Variants in CBFA2T3 observed in about 807,000 individuals in gnomAD.
CBFA2T3 encodes the protein CBFA2/RUNX1 partner transcriptional co-repressor 3.
A neutral mutation model predicts 58.6 loss-of-function variants in CBFA2T3; 31 were observed. The observed-to-expected ratio is 0.53, with a 90% CI of 0.40 to 0.71. The LOEUF (loss-of-function observed/expected upper bound fraction) is 0.71, where lower values mean the gene tolerates loss of function less well. Ranked by LOEUF, CBFA2T3 falls within the 30% of genes least tolerant of loss-of-function variation. The pLI, the probability that CBFA2T3 is intolerant of heterozygous loss-of-function variation, is 0.00. For missense variants in CBFA2T3, 1,076 were observed against 963.1 expected, an observed-to-expected ratio of 1.12 and a Z score of -1.55; for synonymous variants, 531 against 421.9, an observed-to-expected ratio of 1.26 and a Z score of -3.17.
Position 88,907,704 on chromosome 16 carries a change from C to T in CBFA2T3, c.152-6048G>A, listed in dbSNP as rs368866370. Among the ~76,000 whole-genome samples, 29 of 152,336 alleles carry T rather than the reference C, an allele frequency of 1.9e-4. No individual in the cohort carries two copies. In the South Asian group the frequency reaches 6.0e-3, roughly 32 times the overall value. On this transcript the variant is annotated intron_variant, in intron 1 of 11. Coordinates refer to ENST00000268679, the MANE Select transcript of CBFA2T3 (RefSeq NM_005187.6). ...CGAGGGGAGGCACCTGCCCTCCTGGCCTCCCTCTGTGGCTTGGGCCTCTGC... is the reference window on the plus strand; with the variant it reads ...CGAGGGGAGGCACCTGCCCTCCTGGTCTCCCTCTGTGGCTTGGGCCTCTGC...
intron 1 of CBFA2T3, chr16:88,938,168 C>T (rs1311540247): frequency 6.6e-6 from 1 of 152,284 alleles, no homozygotes; most frequent in East Asian, 1.9e-4. Context: ...CCAGATGGGC[C>T]CCAGGGCCTG....
chr16:88,906,244 T>C (rs555275662), intron 1 of CBFA2T3, among the ~76,000 whole-genome samples: 1 of 152,204 alleles, frequency 6.6e-6, no homozygotes, highest in African/African-American at 2.4e-5. Context: ...AGCCTCGTCC[T>C]TCCTAGGTGC....
intron 1 of CBFA2T3, among the ~76,000 whole-genome samples, chr16:88,969,524 G>A (rs895815198): frequency 1.3e-5 from 2 of 152,328 alleles, no homozygotes; most frequent in East Asian, 1.9e-4. Flanking sequence ...CCGCCACCCC[G>A]TTTTACAAAC....
intron 1 of CBFA2T3, among the ~76,000 whole-genome samples, chr16:88,935,977 C>A (rs986700081): frequency 2.6e-5 from 4 of 152,172 alleles, no homozygotes; most frequent in Non-Finnish European, 4.4e-5. Context: ...CGAGGGGCTG[C>A]CCATCCCCCT....
At chr16:88,892,737 T>C (rs1969695356) in intron 3 of CBFA2T3, among the ~76,000 whole-genome samples, 1 of 152,106 alleles carries the variant, frequency 6.6e-6, no homozygotes, top group Admixed American at 6.5e-5. Flanking sequence ...CACACCCCCT[T>C]ACAGACCTGG....
rs568041993 is a variant in CBFA2T3, at chr16:88,880,825, G to A, written c.1403-37C>T. On this transcript the variant is annotated intron_variant, in intron 9 of 11. Coordinates refer to ENST00000268679, the MANE Select transcript of CBFA2T3 (RefSeq NM_005187.6). ...GCCGGCGTCACACAGGATGGGCCAC[G>A]CGGCTGCCCCTCCCACGCTGGGGCC... 3.4e-5 allele frequency: 52 copies of A among 1,546,872 alleles called. 1 individual carries two copies. Among genetic ancestry groups the A allele is most frequent in the African/African-American group, 2.3e-4 (17 of 73,442 alleles).
rs1262346745 is a variant in CBFA2T3 at position 88,875,600 on chromosome 16, G to GA, written c.*1375_*1376insT. 10 of 233,796 alleles carry GA rather than the reference G, an allele frequency of 4.3e-5. No homozygotes were observed. The highest frequency in any genetic ancestry group is 5.6e-5 in the Admixed American group (1 of 17,770). The allele number at this position is 233,796 out of a possible 1,614,324, so 14.5% of individuals were successfully genotyped here. A position where few individuals can be genotyped will look rare whatever the true frequency, so the allele number is the denominator to read the frequency against. ...GAGAGGTTGGAGTTGGGGCGATGGG[G>GA]CTGAGAGAGGTCGGAGCTGGGGTGA... On this transcript the variant is annotated 3_prime_UTR_variant, in exon 12 of 12. Transcript: ENST00000268679.
chr16:88,922,702 G>A (rs768110427), intron 1 of CBFA2T3, among the ~76,000 whole-genome samples: 1 of 152,242 alleles, frequency 6.6e-6, no homozygotes, highest in African/African-American at 2.4e-5. Flanking sequence ...CCGGGTCCCA[G>A]CTTGCAGCCG....
intron 1 of CBFA2T3, among the ~76,000 whole-genome samples, chr16:88,935,017 G>A (rs978434498): frequency 2.0e-5 from 3 of 152,246 alleles, no homozygotes; most frequent in Non-Finnish European, 4.4e-5. Flanking sequence ...TGGGATTACA[G>A]GCGTAAGCCA....
rs13380444 is a variant in CBFA2T3, at chr16:88,951,987, G to A, written c.151+24670C>T. ...TGGGTTTCTGTCACTCGCAGCTGCAGCATTCTGGCACAGACCCTTGGCCCA... is the reference window on the plus strand; with the variant it reads ...TGGGTTTCTGTCACTCGCAGCTGCAACATTCTGGCACAGACCCTTGGCCCA... On this transcript the variant is annotated intron_variant, in intron 1 of 11. Coordinates refer to ENST00000268679, the MANE Select transcript of CBFA2T3 (RefSeq NM_005187.6). 5.0e-3 allele frequency among the ~76,000 whole-genome samples: 760 copies of A among 152,310 alleles called. 7 individuals are homozygous for A. Among genetic ancestry groups the A allele is most frequent in the African/African-American group, 0.017 (700 of 41,560 alleles).
chr16:88,912,118 C>T lies in CBFA2T3; in HGVS notation c.152-10462G>A, dbSNP rs113695372. On this transcript the variant is annotated intron_variant, in intron 1 of 11. Transcript: ENST00000268679. ...GCTTCCCGTTGGAAGGTGCACAGGC[C>T]GGCCTCTGCCTGCAGGCTGGGCCCA... Among the ~76,000 whole-genome samples, 1,111 of 152,388 alleles carry T rather than the reference C, an allele frequency of 7.3e-3. 21 individuals carry two copies. The highest frequency in any genetic ancestry group is 0.026 in the African/African-American group (1,063 of 41,598).
At chr16:88,881,625 G>C (rs1412575920) in intron 8 of CBFA2T3, 136 bp from the exon 9 acceptor site, 3 of 845,724 alleles carry the variant, frequency 3.5e-6, no homozygotes, top group African/African-American at 3.4e-5. Flanking sequence ...AAGGGGGTGA[G>C]GGAGGGCCCA....
chr16:88,885,657 G>A lies in CBFA2T3; in HGVS notation c.893+304C>T. 1 of 441,880 alleles carries A rather than the reference G, an allele frequency of 2.3e-6. No homozygotes were observed. Among genetic ancestry groups the A allele is most frequent in the Non-Finnish European group, 4.1e-6 (1 of 246,496 alleles). 27.4% of individuals were successfully genotyped at this position (441,880 alleles called of 1,614,324 possible). A position where few individuals can be genotyped will look rare whatever the true frequency, so the allele number is the denominator to read the frequency against. Reference sequence around the variant, plus strand: ...AGGGGGCCCAGCCCAGGCACCTGGGGACCATGGACCCCGGACGCTCGGAGT... The same window carrying A: ...AGGGGGCCCAGCCCAGGCACCTGGGAACCATGGACCCCGGACGCTCGGAGT... On this transcript the variant is annotated intron_variant, in intron 6 of 11. Transcript: ENST00000268679. The surrounding 1 kb of genome is among the most constrained non-coding windows in gnomAD (Gnocchi z 5.3).
At chr16:88,878,765 G>A (rs908520180) in intron 11 of CBFA2T3, among the ~76,000 whole-genome samples, 8 of 152,218 alleles carry the variant, frequency 5.3e-5, no homozygotes, top group African/African-American at 1.7e-4. Flanking sequence ...GGCCTACGTG[G>A]CAAAACCCCA....
intron 1 of CBFA2T3, among the ~76,000 whole-genome samples, chr16:88,909,578 C>CA (rs1970460502): frequency 2.6e-5 from 4 of 152,178 alleles, no homozygotes; most frequent in Non-Finnish European, 5.9e-5. Context: ...GTGACCATCA[C>CA]GGCGGCTGGG....
At chr16:88,968,516 G>A (rs1972570631) in intron 1 of CBFA2T3, among the ~76,000 whole-genome samples, 1 of 152,258 alleles carries the variant, frequency 6.6e-6, no homozygotes, top group African/African-American at 2.4e-5. Context: ...GGGGCCGAGA[G>A]CAGATGAGGG....
At chr16:88,899,194 C>T (rs1351684860) in intron 2 of CBFA2T3, among the ~76,000 whole-genome samples, 1 of 152,092 alleles carries the variant, frequency 6.6e-6, no homozygotes, top group East Asian at 1.9e-4. Flanking sequence ...ATCAGCTTGG[C>T]TCAGAGGCCA....
At chr16:88,933,895 G>T (rs8063866) in intron 1 of CBFA2T3, among the ~76,000 whole-genome samples, 40,021 of 140,916 alleles carry the variant, frequency 0.28, 7,605 homozygotes, top group Middle Eastern at 0.55. Context: ...GCACGAGGAG[G>T]ACAGAGGCGA....
intron 1 of CBFA2T3, among the ~76,000 whole-genome samples, chr16:88,945,911 G>A (rs1301679609): frequency 2.0e-5 from 3 of 152,182 alleles, no homozygotes; most frequent in Non-Finnish European, 2.9e-5. Context: ...ACTTAGAAGC[G>A]ACTGAGACCG....
Sources: allele counts gnomAD v4.1 joint callset (sites outside exome capture counted in the v4.1 genomes callset), GRCh38; gene constraint gnomAD v4.1.1; non-coding constraint Gnocchi (gnomAD v3.1); transcripts MANE v1.5; gene names NCBI Gene and HGNC (gene_info 2026-07-23, HGNC 2026-07-21).